The following TRUB1 variants were observed in gnomAD, a reference collection of about 807,000 sequenced individuals.
TRUB1 encodes pseudouridylate synthase TRUB1.
A neutral mutation model predicts 33.9 loss-of-function variants in TRUB1; 23 were observed. The ratio of observed to expected loss-of-function variants is 0.68; its 90% CI spans 0.49 to 0.96. The LOEUF is 0.96. Ranked by LOEUF, TRUB1 falls within the 40% of genes least tolerant of loss-of-function variation. TRUB1 has a pLI of 0.00. For synonymous variants in TRUB1, 163 were observed against 165.4 expected (o/e 0.99, Z 0.11); for missense variants, 378 against 422.2 (o/e 0.90, Z 0.92).
intron 4 of TRUB1, among the ~76,000 whole-genome samples, 164 bp from the exon 5 acceptor site, chr10:114,970,204 T>C (rs952995966): frequency 3.3e-5 from 5 of 152,230 alleles, no homozygotes; most frequent in African/African-American, 4.8e-5. Context: ...TGTTAATGTA[T>C]ATTTTATTCT....
chr10:114,943,613 C>A (rs2084198937), intron 2 of TRUB1, among the ~76,000 whole-genome samples: 1 of 152,220 alleles, frequency 6.6e-6, no homozygotes, highest in Non-Finnish European at 1.5e-5. Flanking sequence ...ACATGTGTTA[C>A]CGCTTTTTTT....
intron 2 of TRUB1, among the ~76,000 whole-genome samples, chr10:114,949,696 G>A (rs1208052373): frequency 2.0e-5 from 3 of 152,130 alleles, no homozygotes; most frequent in Non-Finnish European, 4.4e-5. Context: ...TTGCAGGGAT[G>A]TAGGCTGGTT....
At chr10:114,941,351 T>C (rs76181407) in intron 1 of TRUB1, among the ~76,000 whole-genome samples, 1 of 144,726 alleles carries the variant, frequency 6.9e-6, no homozygotes, top group Non-Finnish European at 1.6e-5. Context: ...TTTTTTTTTT[T>C]AAACAGGACA....
intron 5 of TRUB1, 67 bp from the exon 6 acceptor site, chr10:114,972,068 A>T: frequency 2.6e-6 from 4 of 1,561,296 alleles, no homozygotes; most frequent in Non-Finnish European, 3.5e-6. Context: ...TCATCTCCCA[A>T]TCCTTCCAAA....
chr10:114,971,987 C>A (rs970409361), intron 5 of TRUB1, 148 bp from the exon 6 acceptor site: 2 of 872,420 alleles, frequency 2.3e-6, no homozygotes, highest in South Asian at 1.7e-5. Flanking sequence ...AAAATTCATT[C>A]ATTTTTTAGA....
intron 3 of TRUB1, among the ~76,000 whole-genome samples, chr10:114,952,173 T>C (rs981772223): frequency 6.6e-6 from 1 of 152,224 alleles, no homozygotes; most frequent in Non-Finnish European, 1.5e-5. Context: ...GCGTGGTGTC[T>C]CATGCCTGTA....
At chr10:114,963,565 A>C (rs1049603255) in intron 4 of TRUB1, among the ~76,000 whole-genome samples, 1 of 152,238 alleles carries the variant, frequency 6.6e-6, no homozygotes, top group Non-Finnish European at 1.5e-5. Context: ...AAGAAATAGA[A>C]GATTGCTAGA....
At chr10:114,943,582 C>A (rs1406688959) in intron 2 of TRUB1, among the ~76,000 whole-genome samples, 2 of 152,162 alleles carry the variant, frequency 1.3e-5, no homozygotes, top group Non-Finnish European at 2.9e-5. Context: ...TTCTAATGAG[C>A]TTCCCTGAGA....
chr10:114,971,836 C>T (rs2084337873), intron 5 of TRUB1, among the ~76,000 whole-genome samples: 3 of 152,088 alleles, frequency 2.0e-5, no homozygotes, highest in South Asian at 4.1e-4. Context: ...AAGGACAAGA[C>T]ATGAATACAT....
chr10:114,940,541 C>T (rs2084182073), intron 1 of TRUB1, among the ~76,000 whole-genome samples: 1 of 152,204 alleles, frequency 6.6e-6, no homozygotes, highest in Non-Finnish European at 1.5e-5. Flanking sequence ...ATGCTACAAT[C>T]TCTACTGTTT....
intron 2 of TRUB1, among the ~76,000 whole-genome samples, chr10:114,947,191 A>G (rs2084215022): frequency 6.6e-6 from 1 of 151,972 alleles, no homozygotes; most frequent in African/African-American, 2.4e-5. Context: ...AAAAAAAAAA[A>G]GGTCCTCTAC....
At chr10:114,967,619 C>T (rs566204527) in intron 4 of TRUB1, among the ~76,000 whole-genome samples, 2 of 152,192 alleles carry the variant, frequency 1.3e-5, no homozygotes, top group South Asian at 2.1e-4. Flanking sequence ...ATTTACTAAA[C>T]AAAAAATAAT....
intron 4 of TRUB1, among the ~76,000 whole-genome samples, chr10:114,968,404 GTTAACTA>G (rs1384758867): frequency 6.6e-6 from 1 of 152,192 alleles, no homozygotes; most frequent in African/African-American, 2.4e-5. Context: ...TGGCTAAGTT[GTTAACTA>G]TTGCAATTTT....
At chr10:114,966,622 G>A (rs993077216) in intron 4 of TRUB1, among the ~76,000 whole-genome samples, 1 of 152,102 alleles carries the variant, frequency 6.6e-6, no homozygotes, top group Non-Finnish European at 1.5e-5. Flanking sequence ...CATGAAATAA[G>A]ATATCTCTCT....
Position 114,976,100 on chromosome 10 carries a change from A to G in TRUB1, c.*721A>G, listed in dbSNP as rs1165116976. ...TTTTGTATTTTGGCAGCTATGAGAT[A>G]TTTTCATGGTAATGTCAACATGGTC... On this transcript the variant is annotated 3_prime_UTR_variant, in exon 8 of 8. Coordinates refer to ENST00000298746, the MANE Select transcript of TRUB1 (RefSeq NM_139169.5). The G allele has an allele frequency of 6.6e-6, 1 of 152,560 alleles. No individual in the cohort carries two copies. Among genetic ancestry groups the G allele is most frequent in the Non-Finnish European group, 1.5e-5 (1 of 67,994 alleles). 9.5% of individuals were successfully genotyped at this position (152,560 alleles called of 1,614,324 possible). A position where few individuals can be genotyped will look rare whatever the true frequency, so the allele number is the denominator to read the frequency against.
chr10:114,960,034 T>C (rs1384636739), intron 4 of TRUB1: 2 of 459,912 alleles, frequency 4.3e-6, no homozygotes, highest in African/African-American at 4.1e-5. Flanking sequence ...ATGTTTTAAG[T>C]GTTCAGAATT....
intron 4 of TRUB1, among the ~76,000 whole-genome samples, chr10:114,967,815 T>C (rs2084317016): frequency 6.6e-6 from 1 of 152,238 alleles, no homozygotes; most frequent in African/African-American, 2.4e-5. Flanking sequence ...GTTTTAGATA[T>C]AGCCAGTTTG....
intron 4 of TRUB1, among the ~76,000 whole-genome samples, chr10:114,962,564 C>G (rs1046562184): frequency 6.6e-6 from 1 of 152,196 alleles, no homozygotes; most frequent in African/African-American, 2.4e-5. Context: ...TTGTTCTTGA[C>G]AGGTCAATTA....
intron 3 of TRUB1, among the ~76,000 whole-genome samples, chr10:114,952,466 T>A (rs956377593): frequency 1.3e-5 from 1 of 75,406 alleles, no homozygotes; most frequent in East Asian, 2.1e-4. Context: ...GTAAGGTAGG[T>A]AGGTAGGTAG....
Sources: allele counts gnomAD v4.1 joint callset (sites outside exome capture counted in the v4.1 genomes callset), GRCh38; gene constraint gnomAD v4.1.1; transcripts MANE v1.5; gene names NCBI Gene and HGNC (gene_info 2026-07-23, HGNC 2026-07-21).